Variants in MPPED2 observed in about 807,000 individuals in gnomAD.
MPPED2 encodes the protein metallophosphoesterase domain containing 2.
A neutral mutation model predicts 33.0 loss-of-function variants in MPPED2; 5 were observed. The ratio of observed to expected loss-of-function variants is 0.15; its 90% CI spans 0.08 to 0.32. The LOEUF (loss-of-function observed/expected upper bound fraction) is 0.32, where lower values mean the gene tolerates loss of function less well. Ranked by LOEUF, MPPED2 falls within the 10% of genes least tolerant of loss-of-function variation. The probability of loss-of-function intolerance (pLI) is 1.00; values close to 1 mark genes in which losing one functional copy is unlikely to be tolerated. For synonymous variants in MPPED2, 136 were observed against 141.9 expected, an observed-to-expected ratio of 0.96 and a Z score of 0.29; for missense variants, 275 against 372.1, an observed-to-expected ratio of 0.74 and a Z score of 2.15.
At chr11:30,498,076 T>G (rs1299519943) in intron 3 of MPPED2, among the ~76,000 whole-genome samples, 1 of 151,912 alleles carries the variant, frequency 6.6e-6, no homozygotes, top group African/African-American at 2.4e-5. Flanking sequence ...TTGTTTTTTT[T>G]TTTCCAGACT....
At chr11:30,423,209 G>C (rs1311344154) in intron 4 of MPPED2, among the ~76,000 whole-genome samples, 1 of 152,112 alleles carries the variant, frequency 6.6e-6, no homozygotes, top group Non-Finnish European at 1.5e-5. Flanking sequence ...GTGGGGGCTG[G>C]GTGCGTCCTA....
chr11:30,444,681 T>C (rs1949726355), intron 4 of MPPED2, among the ~76,000 whole-genome samples: 1 of 152,224 alleles, frequency 6.6e-6, no homozygotes, highest in African/African-American at 2.4e-5. Flanking sequence ...TTCTACGTTA[T>C]TTTTTGGTTC....
intron 4 of MPPED2, among the ~76,000 whole-genome samples, chr11:30,470,598 T>C (rs901499375): frequency 2.0e-5 from 3 of 152,196 alleles, no homozygotes; most frequent in African/African-American, 7.2e-5. Flanking sequence ...ATTTGTACGA[T>C]ACATGAATTA....
At chr11:30,391,292 G>T (rs1947771772) in intron 6 of MPPED2, among the ~76,000 whole-genome samples, 1 of 152,106 alleles carries the variant, frequency 6.6e-6, no homozygotes, top group Admixed American at 6.5e-5. Context: ...ATTGCTCTTT[G>T]GTGTGGTCAT....
intron 3 of MPPED2, among the ~76,000 whole-genome samples, chr11:30,501,110 T>C (rs1232763431): frequency 6.6e-6 from 1 of 152,192 alleles, no homozygotes; most frequent in Non-Finnish European, 1.5e-5. Context: ...ACATCCTGCA[T>C]ATAAACAACC....
chr11:30,402,379 G>A (rs1045691337), intron 6 of MPPED2, among the ~76,000 whole-genome samples: 1 of 152,190 alleles, frequency 6.6e-6, no homozygotes, highest in Non-Finnish European at 1.5e-5. Context: ...TTCTTTGAGA[G>A]TAACATCCTC....
At chr11:30,442,202 GA>G (rs1293077335) in intron 4 of MPPED2, among the ~76,000 whole-genome samples, 2 of 152,202 alleles carry the variant, frequency 1.3e-5, no homozygotes, top group African/African-American at 2.4e-5. Context: ...TCCGGAAGGA[GA>G]AAAAGATAGA....
At chr11:30,469,778 C>G (rs1321472810) in intron 4 of MPPED2, among the ~76,000 whole-genome samples, 2 of 152,104 alleles carry the variant, frequency 1.3e-5, no homozygotes, top group Non-Finnish European at 2.9e-5. Context: ...TTCCATATCC[C>G]CCATTGATTA....
At chr11:30,462,920 G>A (rs1261380782) in intron 4 of MPPED2, among the ~76,000 whole-genome samples, 1 of 152,176 alleles carries the variant, frequency 6.6e-6, no homozygotes, top group Non-Finnish European at 1.5e-5. Context: ...AAAGAAAAGG[G>A]TCATACAGAA....
At chr11:30,384,314 G>T (rs1393277685), downstream of MPPED2, among the ~76,000 whole-genome samples, 1 of 152,130 alleles carries the variant, frequency 6.6e-6, no homozygotes, top group Non-Finnish European at 1.5e-5. Context: ...TATAAAGTAT[G>T]ACAAAGCAGG....
At chr11:30,556,571 G>T (rs557460497) in intron 2 of MPPED2, among the ~76,000 whole-genome samples, 164 of 152,290 alleles carry the variant, frequency 1.1e-3, no homozygotes, top group Middle Eastern at 0.01. Flanking sequence ...TTCCTTGACA[G>T]ATTAGCATGG....
At chr11:30,525,021 T>C (rs1396842320) in intron 3 of MPPED2, among the ~76,000 whole-genome samples, 1 of 152,188 alleles carries the variant, frequency 6.6e-6, no homozygotes, top group Non-Finnish European at 1.5e-5. Flanking sequence ...ACTTACCCTA[T>C]GATGAGAAAT....
At chr11:30,557,054 T>C (rs1257413353) in intron 2 of MPPED2, among the ~76,000 whole-genome samples, 5 of 151,972 alleles carry the variant, frequency 3.3e-5, no homozygotes, top group Middle Eastern at 3.4e-3. Flanking sequence ...GACTGATACA[T>C]TGGGCATTAC....
chr11:30,450,277 G>A (rs530791513), intron 4 of MPPED2, among the ~76,000 whole-genome samples: 79 of 152,278 alleles, frequency 5.2e-4, no homozygotes, highest in South Asian at 1.7e-3. Context: ...CCTAAAACCC[G>A]CCCTCATGGG....
intron 3 of MPPED2, among the ~76,000 whole-genome samples, chr11:30,510,378 T>C (rs1484167725): frequency 6.6e-6 from 1 of 152,202 alleles, no homozygotes; most frequent in Non-Finnish European, 1.5e-5. Flanking sequence ...ATGGTAAAGT[T>C]CTTCCATGAT....
chr11:30,488,442 C>A (rs1184366924), intron 4 of MPPED2, among the ~76,000 whole-genome samples: 3 of 152,152 alleles, frequency 2.0e-5, no homozygotes, highest in Non-Finnish European at 2.9e-5. Context: ...ACAACCACCA[C>A]CAACACATCA....
At chr11:30,553,102 G>C (rs997207068) in intron 2 of MPPED2, among the ~76,000 whole-genome samples, 1 of 152,016 alleles carries the variant, frequency 6.6e-6, no homozygotes, top group Non-Finnish European at 1.5e-5. Context: ...GCAAACCAAG[G>C]GTGCAGATGT....
rs532914112 is a variant in MPPED2, at chr11:30,489,034, T to C, written c.536+6262A>G. Among the ~76,000 whole-genome samples the C allele has an allele frequency of 8.6e-5, 11 of 127,662 alleles. 1 individual carries two copies. Among genetic ancestry groups the C allele is most frequent in the Admixed American group, 3.6e-4 (4 of 11,122 alleles). 83.8% of individuals were successfully genotyped at this position (127,662 alleles called of 152,430 possible). A position where few individuals can be genotyped will look rare whatever the true frequency, so the allele number is the denominator to read the frequency against. On this transcript the variant is annotated intron_variant, in intron 4 of 6. Transcript: ENST00000358117. ...AAGGAGCTGTTTCTTTCTTTTCTTT[T>C]TTCTTCTTCTTCTTCTCCTTTTTTT...
chr11:30,538,158 C>T (rs1032378105), intron 2 of MPPED2, among the ~76,000 whole-genome samples: 1 of 152,118 alleles, frequency 6.6e-6, no homozygotes, highest in East Asian at 1.9e-4. Flanking sequence ...AAATCAGCCA[C>T]TACATCTCTA....
Sources: allele counts gnomAD v4.1 joint callset (sites outside exome capture counted in the v4.1 genomes callset), GRCh38; gene constraint gnomAD v4.1.1; transcripts MANE v1.5; gene names NCBI Gene and HGNC (gene_info 2026-07-23, HGNC 2026-07-21).